DOCK3: variants seen among roughly 807,000 people sequenced by gnomAD.
The protein encoded by DOCK3 is dedicator of cytokinesis protein 3.
In DOCK3, 60 loss-of-function variants were observed where a neutral mutation model predicts 265.6. The ratio of observed to expected loss-of-function variants is 0.23; its 90% CI spans 0.18 to 0.28. The LOEUF (loss-of-function observed/expected upper bound fraction) is 0.28, where lower values mean the gene tolerates loss of function less well. DOCK3 is among the 10% of genes least tolerant of loss of function. The pLI is 1.00. For synonymous variants in DOCK3, 881 were observed against 938.0 expected (o/e 0.94, Z 1.11); for missense variants, 1,981 against 2,594.3 (o/e 0.76, Z 5.14).
chr3:50,897,221 C>T (rs1232770110), intron 4 of DOCK3, among the ~76,000 whole-genome samples: 1 of 151,972 alleles, frequency 6.6e-6, no homozygotes, highest in African/African-American at 2.4e-5. Context: ...AGTTGTATTC[C>T]TAGGTATTTT....
chr3:50,992,355 T>C (rs942825676), intron 5 of DOCK3, among the ~76,000 whole-genome samples: 2 of 152,204 alleles, frequency 1.3e-5, no homozygotes, highest in Non-Finnish European at 2.9e-5. Context: ...TTGTGTGAAG[T>C]GGCGTGATCT....
intron 12 of DOCK3, among the ~76,000 whole-genome samples, chr3:51,162,940 T>C (rs950400866): frequency 2.7e-4 from 41 of 152,342 alleles, no homozygotes; most frequent in African/African-American, 9.9e-4. Flanking sequence ...TTTTTCCACT[T>C]GAAAATGTTA....
chr3:50,689,005 G>A (rs2035032039), intron 1 of DOCK3, among the ~76,000 whole-genome samples: 2 of 152,174 alleles, frequency 1.3e-5, no homozygotes, highest in Admixed American at 6.5e-5. Flanking sequence ...TATTCGAGGA[G>A]TAAATTAAGT....
At chr3:51,159,193 T>C in intron 10 of DOCK3, 51 bp from the exon 11 acceptor site, 1 of 1,566,682 alleles carries the variant, frequency 6.4e-7, no homozygotes, top group South Asian at 1.1e-5. Context: ...AATGAATTTT[T>C]AATTATTTTC....
intron 12 of DOCK3, among the ~76,000 whole-genome samples, chr3:51,195,908 T>A (rs1203667415): frequency 1.3e-5 from 2 of 152,016 alleles, no homozygotes; most frequent in Admixed American, 6.6e-5. Flanking sequence ...GCTGTCAGAT[T>A]TTTTTTCTTT....
In DOCK3 at chr3:51,270,950, G is replaced by C; in HGVS notation, c.2491G>C (p.Val831Leu). The C allele has an allele frequency of 1.2e-6, 2 of 1,614,004 alleles. No homozygotes were observed. Among genetic ancestry groups the C allele is most frequent in the African/African-American group, 1.3e-5 (1 of 75,056 alleles). ...STVHIGQSMDVVKLQSIARTV... is the reference protein window; with the variant it reads ...STVHIGQSMDLVKLQSIARTV... The stretch of plus-strand genomic sequence containing the variant: ...TGTGCACATTGGGCAGTCAATGGAC[G>C]TGGTCAAGCTGCAGTCCATTGCCAG... The change falls in exon 24 of 53, where the codon GTG becomes CTG. Residue 831 changes from valine to leucine, a missense_variant. Coordinates refer to ENST00000266037, the MANE Select transcript of DOCK3 (RefSeq NM_004947.5).
intron 1 of DOCK3, among the ~76,000 whole-genome samples, chr3:50,738,514 A>G (rs947247245): frequency 1.3e-5 from 2 of 152,202 alleles, no homozygotes; most frequent in Non-Finnish European, 2.9e-5. Flanking sequence ...GTGGATTTCA[A>G]TGAATTTATG....
chr3:51,056,180 T>G (rs1575909912), intron 5 of DOCK3, among the ~76,000 whole-genome samples: 1 of 152,248 alleles, frequency 6.6e-6, no homozygotes, highest in East Asian at 1.9e-4. Flanking sequence ...AGTTGCTGAC[T>G]ATGTTGTTCG....
chr3:50,804,447 A>G (rs1352445362), intron 2 of DOCK3, among the ~76,000 whole-genome samples: 2 of 152,174 alleles, frequency 1.3e-5, no homozygotes, highest in East Asian at 3.9e-4. Context: ...AGCCTGGGCA[A>G]CATTGAGCAC....
At chr3:50,821,788 A>AAGGTCAGACAGTTGTAGCTGAT (rs2044451451) in intron 2 of DOCK3, among the ~76,000 whole-genome samples, 1 of 152,140 alleles carries the variant, frequency 6.6e-6, no homozygotes, top group Admixed American at 6.6e-5. Flanking sequence ...AGCCTTGTTG[A>AAGGTCAGACAGTTGTAGCTGAT]AGGTCAGACA....
At chr3:51,052,078 C>G (rs1180279870) in intron 5 of DOCK3, among the ~76,000 whole-genome samples, 1 of 152,058 alleles carries the variant, frequency 6.6e-6, no homozygotes, top group Non-Finnish European at 1.5e-5. Flanking sequence ...TCCATTGTCT[C>G]TATGTTAAAG....
intron 5 of DOCK3, among the ~76,000 whole-genome samples, chr3:50,996,208 A>G (rs1054025648): frequency 1.3e-5 from 2 of 148,508 alleles, no homozygotes; most frequent in Non-Finnish European, 3.0e-5. Flanking sequence ...GGCTGCATGC[A>G]GGATTTTTTC....
At chr3:50,748,825 A>G (rs1293296664) in intron 1 of DOCK3, among the ~76,000 whole-genome samples, 1 of 152,208 alleles carries the variant, frequency 6.6e-6, no homozygotes, top group Non-Finnish European at 1.5e-5. Flanking sequence ...TTCACTGAAA[A>G]TTTAATTACT....
At chr3:51,337,494 G>A (rs770620047) in intron 35 of DOCK3, among the ~76,000 whole-genome samples, 3 of 152,168 alleles carry the variant, frequency 2.0e-5, no homozygotes, top group Non-Finnish European at 1.5e-5. Flanking sequence ...CCCCAGAGCT[G>A]CTAATACACA....
intron 3 of DOCK3, among the ~76,000 whole-genome samples, chr3:50,854,788 C>A (rs145119688): frequency 2.0e-5 from 3 of 151,484 alleles, no homozygotes; most frequent in African/African-American, 7.3e-5. Context: ...GTTGTTAATC[C>A]GTGTTGAGTT....
At chr3:50,920,780 C>A (rs2050408393) in intron 4 of DOCK3, among the ~76,000 whole-genome samples, 1 of 151,938 alleles carries the variant, frequency 6.6e-6, no homozygotes, top group Non-Finnish European at 1.5e-5. Flanking sequence ...TTATTTCTTG[C>A]CTTCTGCTAG....
intron 27 of DOCK3, among the ~76,000 whole-genome samples, chr3:51,309,847 A>G (rs1367038330): frequency 2.6e-5 from 4 of 152,248 alleles, no homozygotes; most frequent in Non-Finnish European, 5.9e-5. Context: ...TATCCAAAAA[A>G]GCATGTTCTT....
intron 50 of DOCK3, 91 bp from the exon 51 acceptor site, chr3:51,375,657 G>A: frequency 7.1e-7 from 1 of 1,408,868 alleles, no homozygotes; most frequent in Non-Finnish European, 1.0e-6. Flanking sequence ...GTCTGATCTT[G>A]TAGTGTCCTG....
intron 9 of DOCK3, among the ~76,000 whole-genome samples, chr3:51,129,069 C>A (rs2084393583): frequency 6.6e-6 from 1 of 152,198 alleles, no homozygotes; most frequent in South Asian, 2.1e-4. Context: ...TTCTTTTTCA[C>A]CAATTTTCCA....
Sources: allele counts gnomAD v4.1 joint callset (sites outside exome capture counted in the v4.1 genomes callset), GRCh38; gene constraint gnomAD v4.1.1; transcripts MANE v1.5; gene names NCBI Gene and HGNC (gene_info 2026-07-23, HGNC 2026-07-21).